ELF2: variants seen among roughly 807,000 people sequenced by gnomAD.
The protein encoded by ELF2 is E74 like ETS transcription factor 2.
Under a neutral mutation model 54.8 loss-of-function variants are expected in ELF2, and 11 were observed. The ratio of observed to expected loss-of-function variants is 0.20; its 90% CI spans 0.13 to 0.33. The LOEUF (loss-of-function observed/expected upper bound fraction) is 0.33, where lower values mean the gene tolerates loss of function less well. ELF2 is among the 10% of genes least tolerant of loss of function. The pLI, the probability that ELF2 is intolerant of heterozygous loss-of-function variation, is 1.00. For synonymous variants in ELF2, 203 were observed against 245.1 expected, an observed-to-expected ratio of 0.83 and a Z score of 1.61; for missense variants, 513 against 703.0, an observed-to-expected ratio of 0.73 and a Z score of 3.06.
chr4:139,068,878 A>G (rs890085272), intron 6 of ELF2, among the ~76,000 whole-genome samples: 6 of 151,834 alleles, frequency 4.0e-5, no homozygotes, highest in Admixed American at 3.9e-4. Context: ...ATAAATACAT[A>G]CACTTTTTTT....
At chr4:139,097,616 CAAAA>C (rs1261659857) in intron 4 of ELF2, among the ~76,000 whole-genome samples, 1 of 74,182 alleles carries the variant, frequency 1.3e-5, no homozygotes, top group Non-Finnish European at 2.7e-5. Context: ...GACTCTGTCT[CAAAA>C]AAAAAAAAAA....
At chr4:139,136,028 G>C (rs113814004) in intron 3 of ELF2, among the ~76,000 whole-genome samples, 3,023 of 152,208 alleles carry the variant, frequency 0.02, 39 homozygotes, top group East Asian at 0.04. Flanking sequence ...TATTGTTTTT[G>C]GTGGCTCCCC....
At chr4:139,084,485 GC>G in intron 4 of ELF2, 1 of 988,794 alleles carries the variant, frequency 1.0e-6, no homozygotes, top group Non-Finnish European at 1.2e-6. Flanking sequence ...GGCCGCCGCA[GC>G]TGGCAACGCG....
chr4:139,162,108 C>T (rs1383203937), intron 1 of ELF2, among the ~76,000 whole-genome samples: 1 of 152,022 alleles, frequency 6.6e-6, no homozygotes, highest in African/African-American at 2.4e-5. Context: ...ACAAAATTAG[C>T]TGGGCATGGT....
intron 7 of ELF2, among the ~76,000 whole-genome samples, chr4:139,063,825 C>A (rs1348964071): frequency 6.6e-6 from 1 of 151,018 alleles, no homozygotes; most frequent in Non-Finnish European, 1.5e-5. Context: ...CTAGGATGTG[C>A]ATAAAAGAAC....
chr4:139,138,415 CAAA>C (rs576340729), intron 2 of ELF2, among the ~76,000 whole-genome samples: 1 of 125,514 alleles, frequency 8.0e-6, no homozygotes, highest in Non-Finnish European at 1.7e-5. Context: ...GATTCCACCT[CAAA>C]AAAAAAAAAA....
intron 4 of ELF2, among the ~76,000 whole-genome samples, chr4:139,080,380 C>T (rs535308002): frequency 3.9e-5 from 6 of 151,974 alleles, no homozygotes; most frequent in Non-Finnish European, 8.8e-5. Context: ...TTTCATACTG[C>T]TAATTTTTTT....
chr4:139,176,401 C>G (rs1010293974), intron 1 of ELF2, among the ~76,000 whole-genome samples: 3 of 152,064 alleles, frequency 2.0e-5, no homozygotes, highest in African/African-American at 7.2e-5. Context: ...TCCAGCGCCC[C>G]CCCCCGCCTG....
intron 4 of ELF2, among the ~76,000 whole-genome samples, chr4:139,119,914 C>T (rs1288482300): frequency 6.6e-6 from 1 of 152,108 alleles, no homozygotes; most frequent in Non-Finnish European, 1.5e-5. Flanking sequence ...GCTGGGATTA[C>T]AGGCGTGCAC....
At chr4:139,093,461 G>A (rs1374218024) in intron 4 of ELF2, among the ~76,000 whole-genome samples, 1 of 152,208 alleles carries the variant, frequency 6.6e-6, no homozygotes, top group African/African-American at 2.4e-5. Flanking sequence ...ATTATTTTAT[G>A]AGTCTAGTGT....
intron 1 of ELF2, among the ~76,000 whole-genome samples, chr4:139,159,029 TG>T (rs1740830523): frequency 6.6e-6 from 1 of 151,890 alleles, no homozygotes; most frequent in Non-Finnish European, 1.5e-5. Context: ...TGCAGAGAGG[TG>T]GGAAGGCCAA....
chr4:139,064,659 C>T (rs970003774), intron 7 of ELF2, among the ~76,000 whole-genome samples: 2 of 152,142 alleles, frequency 1.3e-5, no homozygotes, highest in African/African-American at 4.8e-5. Context: ...GCGGGCGGAT[C>T]ACCTGAGGTC....
In ELF2 at chr4:139,137,732, T is replaced by C. The variant is rs758619130; in HGVS notation, c.-31A>G. 13 of 1,612,496 alleles carry C rather than the reference T, an allele frequency of 8.1e-6. No homozygotes were observed. In the East Asian group the frequency reaches 2.5e-4, roughly 30 times the overall value. On this transcript the variant is annotated 5_prime_UTR_variant, in exon 3 of 10. Transcript: ENST00000686138. ...TTCCCTGAGGAAGCTTCAAACGCTA[T>C]TAATCAATGAAATTAAAGGTTCACT...
At chr4:139,084,423 G>T in intron 4 of ELF2, 3 of 1,278,820 alleles carry the variant, frequency 2.3e-6, no homozygotes, top group Non-Finnish European at 3.0e-6. Context: ...GCAGGGGCAG[G>T]GGCGGCAGGG....
intron 4 of ELF2, among the ~76,000 whole-genome samples, chr4:139,099,842 C>G (rs1026952418): frequency 6.6e-6 from 1 of 152,172 alleles, no homozygotes; most frequent in Non-Finnish European, 1.5e-5. Flanking sequence ...AATAACAGAA[C>G]AGTCCTAATT....
intron 4 of ELF2, chr4:139,073,838 A>G (rs1183530704): frequency 5.7e-6 from 1 of 175,342 alleles, no homozygotes; most frequent in East Asian, 1.4e-4. Flanking sequence ...ATTAGAAATT[A>G]CTGAGAAGTT....
intron 4 of ELF2, among the ~76,000 whole-genome samples, chr4:139,078,569 C>T (rs1176847881): frequency 2.8e-5 from 4 of 143,354 alleles, no homozygotes; most frequent in African/African-American, 7.9e-5. Flanking sequence ...AAAAGAATGG[C>T]AATTCTTTTT....
intron 4 of ELF2, among the ~76,000 whole-genome samples, chr4:139,098,193 T>C (rs2148778024): frequency 6.6e-6 from 1 of 152,374 alleles, no homozygotes; most frequent in Admixed American, 6.5e-5. Flanking sequence ...CTATTTTTAA[T>C]TTCATATATG....
chr4:139,156,349 T>C (rs915333067), intron 1 of ELF2, among the ~76,000 whole-genome samples: 5 of 152,132 alleles, frequency 3.3e-5, no homozygotes, highest in African/African-American at 7.2e-5. Context: ...CTAATTTTGT[T>C]TTTGTATTTT....
Sources: gnomAD v4.1 joint callset for allele counts (sites outside exome capture counted in the v4.1 genomes callset) on GRCh38, gnomAD v4.1.1 for gene constraint, MANE v1.5 for transcripts, NCBI Gene and HGNC (gene_info 2026-07-23, HGNC 2026-07-21) for gene names.